Variants in ABCB8 observed in about 807,000 individuals in gnomAD.
ABCB8 encodes the protein ATP binding cassette subfamily B member 8.
ABCB8 carries 52 observed loss-of-function variants against 73.0 expected under a neutral mutation model. The ratio of observed to expected loss-of-function variants is 0.71; its 90% CI spans 0.57 to 0.90. The LOEUF is 0.90. Ranked by LOEUF, ABCB8 falls within the 40% of genes least tolerant of loss-of-function variation. The pLI, the probability that ABCB8 is intolerant of heterozygous loss-of-function variation, is 0.00. For missense variants in ABCB8, 909 were observed against 974.6 expected (o/e 0.93, Z 0.90); for synonymous variants, 428 against 423.5 (o/e 1.01, Z -0.13).
At chr7:151,040,128 C>A in intron 9 of ABCB8, 140 bp from the exon 10 acceptor site, 1 of 952,248 alleles carries the variant, frequency 1.1e-6, no homozygotes, top group Non-Finnish European at 1.6e-6. Flanking sequence ...GGGCTCTACG[C>A]CCCCATGGTG....
rs189195983 is a variant in ABCB8 at position 151,040,938 on chromosome 7, C to G, written c.1483+16C>G. On this transcript the variant is annotated intron_variant, in intron 12 of 15. Transcript: ENST00000358849. ...TCTGGCGGAGGTAAGGGGAGCCCAC[C>G]ACCTCTTCACCCTCTGACTCTTCTC... 10,363 of 1,598,192 alleles carry G rather than the reference C, an allele frequency of 6.5e-3. 44 individuals are homozygous for G. The highest frequency in any genetic ancestry group is 7.8e-3 in the Non-Finnish European group (9,087 of 1,171,910).
Position 151,028,571 on chromosome 7 carries a change from T to A in ABCB8, c.56T>A (p.Leu19Gln). The change falls in exon 1 of 16, where the codon CTG (leucine) becomes CAG (glutamine). Residue 19 changes from leucine (L) to glutamine (Q), a missense_variant. Transcript: ENST00000358849. ...GIRGGPFPGR[L>Q]LPPLRFQTFS... is the part of the protein sequence containing the mutation. ...CGGGGTGGCCCATTCCCAGGCAGGC[T>A]GCTACCGCCCCTCCGCTTCCAGACA... 1 of 1,614,034 alleles carries A rather than the reference T, an allele frequency of 6.2e-7. No homozygotes were observed. Among genetic ancestry groups the A allele is most frequent in the African/African-American group, 1.3e-5 (1 of 75,064 alleles).
At position 151,034,274 on chromosome 7, in the gene ABCB8, T is replaced by C; in HGVS notation, c.410T>C (p.Leu137Pro). ...HLLVLGVAVV[L>P]ALGAALVNVQ... ...GTGCCCTCTGTCTCCCCATTCCAGC[T>C]GGCCTTGGGTGCGGCACTCGTGAAT... Residue 137 changes from leucine (L) to proline (P), a missense_variant and splice_region_variant, in exon 3 of 16, where the codon CTG (leucine) becomes CCG (proline). Coordinates refer to ENST00000358849, the MANE Select transcript of ABCB8 (RefSeq NM_007188.5). The C allele has an allele frequency of 6.2e-7, 1 of 1,610,702 alleles. No homozygotes were observed. Among genetic ancestry groups the C allele is most frequent in the East Asian group, 2.2e-5 (1 of 44,830 alleles).
rs142475735 is a variant in ABCB8, at chr7:151,035,900, G to T, written c.946G>T (p.Val316Leu). 2 of 1,613,504 alleles carry T rather than the reference G, an allele frequency of 1.2e-6. No homozygotes were observed. The highest frequency in any genetic ancestry group is 2.7e-5 in the African/African-American group (2 of 74,956). ...CTTGCAGATCGCCAGGGCAATGGGC[G>T]TAGCAGACGAGGCCCTGGGCAATGT... ...CQEQIARAMG[V>L]ADEALGNVRT... The change falls in exon 7 of 16, where the codon GTA (valine) becomes TTA (leucine). Residue 316 changes from valine (V) to leucine (L), a missense_variant. Val to Leu is a conservative substitution (Grantham distance 32, BLOSUM62 1). Coordinates refer to ENST00000358849, the MANE Select transcript of ABCB8 (RefSeq NM_007188.5).
intron 6 of ABCB8, 36 bp downstream of exon 6, chr7:151,035,778 C>T (rs376637039): frequency 1.2e-6 from 2 of 1,610,724 alleles, no homozygotes; most frequent in Non-Finnish European, 1.7e-6. Flanking sequence ...TCACCCTCCC[C>T]ACACCGTTTC....
At chr7:151,043,092 C>G (rs1216650032) in intron 14 of ABCB8, among the ~76,000 whole-genome samples, 1 of 152,248 alleles carries the variant, frequency 6.6e-6, no homozygotes, top group Admixed American at 6.5e-5. Context: ...TCCCACCTCC[C>G]TGGAGTCACT....
chr7:151,028,630 C>T lies in ABCB8; in HGVS notation c.95+20C>T, dbSNP rs758605410. 9 of 1,608,902 alleles carry T rather than the reference C, an allele frequency of 5.6e-6. No individual in the cohort carries two copies. The Admixed American group carries it at 6.7e-5, about 12-fold the overall frequency. ...TGTCAGGTAAAAACGGAAAAACCTA[C>T]TCAGAGCGGGCCATTGACCGCCCGG... On this transcript the variant is annotated intron_variant, in intron 1 of 15. Coordinates refer to ENST00000358849, the MANE Select transcript of ABCB8 (RefSeq NM_007188.5).
intron 13 of ABCB8, 98 bp downstream of exon 13, chr7:151,041,330 T>C: frequency 7.1e-7 from 1 of 1,410,146 alleles, no homozygotes; most frequent in Admixed American, 2.7e-5. Flanking sequence ...TTTCCCACCC[T>C]CATCCTTGCT....
At chr7:151,029,295 C>T (rs1796074989) in intron 1 of ABCB8, among the ~76,000 whole-genome samples, 1 of 147,198 alleles carries the variant, frequency 6.8e-6, no homozygotes, top group Non-Finnish European at 1.5e-5. Context: ...GAGTGAGACT[C>T]TGCCTCAGAA....
chr7:151,037,335 G>C (rs183296143), intron 9 of ABCB8: 1 of 702,500 alleles, frequency 1.4e-6, no homozygotes, highest in Non-Finnish European at 2.6e-6. Context: ...TGTGTGAGCT[G>C]CCCTTCCCCA....
At position 151,047,149 on chromosome 7, in the gene ABCB8, C is replaced by T. The variant is rs1584963243; in HGVS notation, c.*1800C>T. On this transcript the variant is annotated 3_prime_UTR_variant, in exon 16 of 16. Transcript: ENST00000358849. ...CCACTCAGTCATCAGCCTCAGGCTG[C>T]CCAAAATGCCTCTGACACCAGATTT... 6.6e-6 allele frequency: 1 copy of T among 152,226 alleles called. No homozygotes were observed. The highest frequency in any genetic ancestry group is 2.4e-5 in the African/African-American group (1 of 41,452). The allele number at this position is 152,226 out of a possible 1,614,324, so 9.4% of individuals were successfully genotyped here. A position where few individuals can be genotyped will look rare whatever the true frequency, so the allele number is the denominator to read the frequency against.
intron 9 of ABCB8, chr7:151,038,406 G>T (rs1263382517): frequency 6.6e-6 from 1 of 152,044 alleles, no homozygotes; most frequent in East Asian, 1.9e-4. Context: ...AGCTACTCGG[G>T]AGGCTGAGGC....
intron 2 of ABCB8, 50 bp from the exon 3 acceptor site, chr7:151,034,223 G>C: frequency 6.5e-7 from 1 of 1,549,472 alleles, no homozygotes. Context: ...GGATGGGGAG[G>C]AGTGGCTCCC....
chr7:151,035,959 G>A lies in ABCB8; in HGVS notation c.1005G>A (p.Arg335=), dbSNP rs768763784. The stretch of plus-strand genomic sequence containing the variant: ...TGCGTGCCTTCGCCATGGAGCAACG[G>A]GAAGAGGAGTGAGTCCTGGGAGGGC... ...RTVRAFAMEQ[R]EEERYGAELE... Residue 335 remains arginine, a synonymous_variant, in exon 7 of 16, where the codon CGG becomes CGA. Transcript: ENST00000358849. 3 of 1,613,754 alleles carry A rather than the reference G, an allele frequency of 1.9e-6. No individual in the cohort carries two copies. The highest frequency in any genetic ancestry group is 2.7e-5 in the African/African-American group (2 of 74,946).
At chr7:151,033,551 T>C in intron 1 of ABCB8, 54 bp from the exon 2 acceptor site, 1 of 1,515,628 alleles carries the variant, frequency 6.6e-7, no homozygotes, top group South Asian at 1.3e-5. Flanking sequence ...GGTGTGCTGG[T>C]CAGCAGGAGG....
At chr7:151,037,651 C>G (rs891468740) in intron 9 of ABCB8, 4 of 363,904 alleles carry the variant, frequency 1.1e-5, no homozygotes, top group Admixed American at 4.2e-5. Context: ...TCCCTCCCCC[C>G]ACGACCCCCC....
Position 151,034,657 on chromosome 7 carries a change from G to T in ABCB8, c.659+58G>T, listed in dbSNP as rs556413222. The stretch of plus-strand genomic sequence containing the variant: ...GACTGATGGCCTGAGGGGTCTGGGG[G>T]TAGGACCTTATCCTGAAGTAATGTC... On this transcript the variant is annotated intron_variant, in intron 4 of 15. Coordinates refer to ENST00000358849, the MANE Select transcript of ABCB8 (RefSeq NM_007188.5). 1.1e-5 allele frequency: 18 copies of T among 1,611,718 alleles called. No homozygotes were observed. The South Asian group carries it at 1.9e-4, about 17-fold the overall frequency.
At position 151,035,589 on chromosome 7, in the gene ABCB8, A is replaced by C. The variant is rs956292798; in HGVS notation, c.774A>C (p.Arg258=). The change falls in exon 6 of 16, where the codon CGA becomes CGC. Residue 258 remains arginine (R), a synonymous_variant. Transcript: ENST00000358849. The stretch of plus-strand genomic sequence containing the variant: ...TCCCTCCCACTCCCTAGGGGCTGCG[A>C]AGCTGCACCCAGGTGGCAGGCTGCC... ...SFKLVISQGL[R]SCTQVAGCLV... The C allele has an allele frequency of 6.3e-7, 1 of 1,599,788 alleles. No individual in the cohort carries two copies. Among genetic ancestry groups the C allele is most frequent in the African/African-American group, 1.3e-5 (1 of 74,816 alleles).
chr7:151,028,501 T>C lies in ABCB8; in HGVS notation c.-15T>C. 1 of 1,610,324 alleles carries C rather than the reference T, an allele frequency of 6.2e-7. No homozygotes were observed. The highest frequency in any genetic ancestry group is 8.5e-7 in the Non-Finnish European group (1 of 1,178,632). On this transcript the variant is annotated 5_prime_UTR_variant, in exon 1 of 16. Transcript: ENST00000358849. ...AAACTGCTATTGCCGGCGGCTCCTG[T>C]TTTACCGCGTCAGCATGCTGGTGCA...
Sources: gnomAD v4.1 joint callset for allele counts (sites outside exome capture counted in the v4.1 genomes callset) on GRCh38, gnomAD v4.1.1 for gene constraint, MANE v1.5 for transcripts, NCBI Gene and HGNC (gene_info 2026-07-23, HGNC 2026-07-21) for gene names.